Variants in POLD3 observed in about 807,000 individuals in gnomAD.
The protein encoded by POLD3 is DNA polymerase delta subunit 3.
POLD3 carries 19 observed loss-of-function variants against 58.2 expected under a neutral mutation model. The observed-to-expected ratio is 0.33, with a 90% confidence interval of 0.23 to 0.48. POLD3 has a LOEUF of 0.48. Ranked by LOEUF, POLD3 falls within the 20% of genes least tolerant of loss-of-function variation. POLD3 has a pLI of 0.99. For missense variants in POLD3, 504 were observed against 545.5 expected (o/e 0.92, Z 0.76); for synonymous variants, 172 against 193.5 (o/e 0.89, Z 0.92).
intron 4 of POLD3, among the ~76,000 whole-genome samples, chr11:74,650,118 TG>T (rs770036009): frequency 6.6e-6 from 1 of 152,190 alleles, no homozygotes; most frequent in Non-Finnish European, 1.5e-5. Flanking sequence ...CAGTTTATAG[TG>T]GTTGGGTTTT....
chr11:74,603,813 C>T (rs185374013), intron 2 of POLD3, among the ~76,000 whole-genome samples: 122 of 152,138 alleles, frequency 8.0e-4, no homozygotes, highest in African/African-American at 2.7e-3. Flanking sequence ...CTATGCTTGG[C>T]AGAAGTATAT....
At chr11:74,660,639 T>C (rs1333293461) in intron 4 of POLD3, among the ~76,000 whole-genome samples, 1 of 152,156 alleles carries the variant, frequency 6.6e-6, no homozygotes, top group African/African-American at 2.4e-5. Flanking sequence ...CTTGCTGTTG[T>C]CATGATAGTG....
chr11:74,655,994 C>T (rs75130435), intron 4 of POLD3, among the ~76,000 whole-genome samples: 3,128 of 152,174 alleles, frequency 0.021, 124 homozygotes, highest in African/African-American at 0.071. Context: ...TGACAGGATA[C>T]GAGGCCAATA....
intron 7 of POLD3, 100 bp downstream of exon 7, chr11:74,620,189 C>T (rs1287057661): frequency 2.4e-6 from 2 of 841,564 alleles, no homozygotes; most frequent in Non-Finnish European, 4.0e-6. Flanking sequence ...TTTGCCAATC[C>T]AAGAGACTAC....
chr11:74,600,593 C>T (rs964839353), intron 2 of POLD3, among the ~76,000 whole-genome samples: 1 of 151,946 alleles, frequency 6.6e-6, no homozygotes, highest in African/African-American at 2.4e-5. Context: ...TGAGATCGCG[C>T]CACTGCACTC....
intron 7 of POLD3, 88 bp downstream of exon 7, chr11:74,620,177 T>G (rs2032209809): frequency 2.0e-6 from 2 of 1,014,108 alleles, no homozygotes; most frequent in African/African-American, 1.6e-5. Flanking sequence ...CTTTGTCTAG[T>G]TTTTGCCAAT....
intron 4 of POLD3, among the ~76,000 whole-genome samples, chr11:74,667,970 G>A (rs182938277): frequency 6.6e-6 from 1 of 152,288 alleles, no homozygotes; most frequent in African/African-American, 2.4e-5. Flanking sequence ...CATCAACGTC[G>A]TTAGTCATTA....
Position 74,607,240 on chromosome 11 carries a change from T to TAATA in POLD3, c.219+2446_219+2447insAATA, listed in dbSNP as rs761011170. 3.1e-3 allele frequency among the ~76,000 whole-genome samples: 193 copies of TAATA among 61,924 alleles called. 2 individuals are homozygous for TAATA. The highest frequency in any genetic ancestry group is 0.01 in the African/African-American group (121 of 11,748). 40.6% of individuals were successfully genotyped at this position (61,924 alleles called of 152,430 possible). ...CTTTGTATGGAATTTATTATTATTA[T>TAATA]TATATATTTATTTATTTATTTATTT... On this transcript the variant is annotated intron_variant, in intron 3 of 11. Coordinates refer to ENST00000263681, the MANE Select transcript of POLD3 (RefSeq NM_006591.3).
chr11:74,598,498 A>G (rs1457483708), intron 2 of POLD3, among the ~76,000 whole-genome samples: 1 of 152,180 alleles, frequency 6.6e-6, no homozygotes, highest in East Asian at 1.9e-4. Flanking sequence ...TATTATGCGC[A>G]TAGATTCTTT....
At chr11:74,655,473 A>G (rs1216203926) in intron 4 of POLD3, among the ~76,000 whole-genome samples, 6 of 152,264 alleles carry the variant, frequency 3.9e-5, no homozygotes, top group African/African-American at 1.2e-4. Context: ...AGAAACAGGA[A>G]CATGTAACAC....
intron 11 of POLD3, among the ~76,000 whole-genome samples, chr11:74,636,949 C>G (rs557330740): frequency 6.6e-5 from 10 of 152,326 alleles, no homozygotes; most frequent in Non-Finnish European, 1.3e-4. Flanking sequence ...TCCATAATCA[C>G]ACTAGACTTC....
chr11:74,625,754 C>T (rs190198564), intron 8 of POLD3, among the ~76,000 whole-genome samples, 181 bp downstream of exon 8: 44 of 151,996 alleles, frequency 2.9e-4, no homozygotes, highest in East Asian at 1.2e-3. Flanking sequence ...GGAGTAGGAC[C>T]GTAGGATCAG....
At chr11:74,598,601 C>T (rs1007199754) in intron 2 of POLD3, among the ~76,000 whole-genome samples, 1 of 152,162 alleles carries the variant, frequency 6.6e-6, no homozygotes, top group Non-Finnish European at 1.5e-5. Flanking sequence ...TAACTGGAAC[C>T]TGGTCATCTC....
chr11:74,606,940 T>C (rs61901541), intron 3 of POLD3, among the ~76,000 whole-genome samples: 18,498 of 152,046 alleles, frequency 0.12, 1,419 homozygotes, highest in African/African-American at 0.21. Context: ...TAAAATTTAT[T>C]AAGAGTGGGG....
downstream of POLD3, among the ~76,000 whole-genome samples, chr11:74,645,939 TG>T (rs369030386): frequency 7.2e-4 from 109 of 151,450 alleles, no homozygotes; most frequent in South Asian, 3.1e-3. Context: ...TGATGATTGA[TG>T]TTTTTTTTTT....
Position 74,638,537 on chromosome 11 carries a change from A to G in POLD3, c.1199-2027A>G. On this transcript the variant is annotated intron_variant, in intron 11 of 11. Coordinates refer to ENST00000263681, the MANE Select transcript of POLD3 (RefSeq NM_006591.3). ...AGTAATTTCCTTTCTGTATCTGTAG[A>G]TGGCTCTTCAGACTTTTCTAATTTA... 3 of 444,968 alleles carry G rather than the reference A, an allele frequency of 6.7e-6. No homozygotes were observed. In the Admixed American group the frequency reaches 7.4e-5, roughly 11 times the overall value. 27.6% of individuals were successfully genotyped at this position (444,968 alleles called of 1,614,324 possible). A position where few individuals can be genotyped will look rare whatever the true frequency, so the allele number is the denominator to read the frequency against.
Position 74,642,939 on chromosome 11 carries a change from C to T in POLD3, c.*2173C>T, listed in dbSNP as rs1205145206. ...TTTCAGCCAACCTCATTTTTTAGTT[C>T]ATCTAGAAGAAAATCTAGCACATTG... is the stretch of plus-strand genomic sequence containing the variant. On this transcript the variant is annotated 3_prime_UTR_variant, in exon 12 of 12. Transcript: ENST00000263681. 3.0e-6 allele frequency: 3 copies of T among 985,088 alleles called. No individual in the cohort carries two copies. The highest frequency in any genetic ancestry group is 3.6e-6 in the Non-Finnish European group (3 of 829,682). The allele number at this position is 985,088 out of a possible 1,614,324, so 61.0% of individuals were successfully genotyped here.
chr11:74,592,780 G>T, intron 1 of POLD3, 62 bp downstream of exon 1: 1 of 1,601,894 alleles, frequency 6.2e-7, no homozygotes, highest in Non-Finnish European at 8.5e-7. Flanking sequence ...GGCTAGGGCG[G>T]CGGGAGCCTT....
chr11:74,621,543 T>TA (rs2032259019), intron 7 of POLD3, among the ~76,000 whole-genome samples: 1 of 152,074 alleles, frequency 6.6e-6, no homozygotes. Context: ...ATGGTTTTTT[T>TA]TAAAAAAATC....
Sources: gnomAD v4.1 joint callset for allele counts (sites outside exome capture counted in the v4.1 genomes callset) on GRCh38, gnomAD v4.1.1 for gene constraint, MANE v1.5 for transcripts, NCBI Gene and HGNC (gene_info 2026-07-23, HGNC 2026-07-21) for gene names.